Variants in CAMK4 observed in about 807,000 individuals in gnomAD.
CAMK4 encodes calcium/calmodulin dependent protein kinase IV, also known as calcium/calmodulin-dependent protein kinase type IV.
Under a neutral mutation model 44.9 loss-of-function variants are expected in CAMK4, and 22 were observed. That is an observed-to-expected ratio of 0.49 (90% CI 0.35 to 0.70). The LOEUF is 0.70. Among genes scored for constraint, CAMK4 ranks in the 30% least tolerant of loss-of-function variants. The pLI is 0.01. For missense variants in CAMK4, 498 were observed against 586.8 expected (o/e 0.85, Z 1.56); for synonymous variants, 218 against 215.4 (o/e 1.01, Z -0.11).
chr5:111,432,850 T>C (rs1013988446), intron 5 of CAMK4, among the ~76,000 whole-genome samples: 1 of 152,042 alleles, frequency 6.6e-6, no homozygotes, highest in African/African-American at 2.4e-5. Context: ...ATTATTTTTA[T>C]AAACATTTGT....
At chr5:111,473,851 GT>G (rs771722603) in intron 8 of CAMK4, among the ~76,000 whole-genome samples, 12 of 151,938 alleles carry the variant, frequency 7.9e-5, no homozygotes, top group Non-Finnish European at 1.5e-4. Flanking sequence ...TATCAATTTT[GT>G]TTCTTATTTC....
chr5:111,250,128 TC>T (rs1749425116), intron 1 of CAMK4, among the ~76,000 whole-genome samples: 1 of 152,350 alleles, frequency 6.6e-6, no homozygotes, highest in South Asian at 2.1e-4. Flanking sequence ...GAATTTTCTG[TC>T]AAATTTACTA....
chr5:111,298,639 G>A (rs1285596170), intron 1 of CAMK4, among the ~76,000 whole-genome samples: 1 of 152,198 alleles, frequency 6.6e-6, no homozygotes, highest in African/African-American at 2.4e-5. Context: ...CCCCTTGGCA[G>A]TGACTATCCC....
intron 5 of CAMK4, among the ~76,000 whole-genome samples, chr5:111,416,984 T>TG (rs1752837815): frequency 6.6e-6 from 1 of 152,202 alleles, no homozygotes. Flanking sequence ...CTAGTCATGA[T>TG]GTTTTAAAGT....
At chr5:111,398,760 T>G (rs1752114804) in intron 5 of CAMK4, among the ~76,000 whole-genome samples, 1 of 152,138 alleles carries the variant, frequency 6.6e-6, no homozygotes, top group Non-Finnish European at 1.5e-5. Context: ...TCTTATAAGG[T>G]TCCCTCCATC....
chr5:111,369,328 G>A (rs1465502480), intron 2 of CAMK4, among the ~76,000 whole-genome samples: 1 of 152,076 alleles, frequency 6.6e-6, no homozygotes, highest in East Asian at 1.9e-4. Context: ...GCCTCCCAAA[G>A]TGTTGGGATT....
chr5:111,269,882 C>T (rs1018139854), intron 1 of CAMK4: 3 of 152,246 alleles, frequency 2.0e-5, no homozygotes, highest in Non-Finnish European at 2.9e-5. Context: ...CAGTCTGTCC[C>T]GTGTTTTTTA....
At chr5:111,308,207 A>T in intron 1 of CAMK4, among the ~76,000 whole-genome samples, 1 of 146,072 alleles carries the variant, frequency 6.8e-6, no homozygotes, top group Non-Finnish European at 1.5e-5. Context: ...ATATGTAACT[A>T]ACCTGCACAA....
chr5:111,394,095 T>A (rs977398908), intron 4 of CAMK4, among the ~76,000 whole-genome samples: 2 of 152,106 alleles, frequency 1.3e-5, no homozygotes, highest in South Asian at 4.1e-4. Flanking sequence ...CATTCAAGTT[T>A]CATGGACCTT....
At chr5:111,387,681 ACGTC>A (rs1213314686) in intron 4 of CAMK4, among the ~76,000 whole-genome samples, 2 of 152,258 alleles carry the variant, frequency 1.3e-5, no homozygotes, top group East Asian at 3.9e-4. Flanking sequence ...AATTTTTCTG[ACGTC>A]CATTCACTTG....
At chr5:111,327,324 C>A (rs1372450272) in intron 1 of CAMK4, among the ~76,000 whole-genome samples, 2 of 150,926 alleles carry the variant, frequency 1.3e-5, no homozygotes, top group African/African-American at 2.4e-5. Flanking sequence ...CATGTCCCTG[C>A]AAAGGACATG....
intron 7 of CAMK4, among the ~76,000 whole-genome samples, chr5:111,464,165 C>T (rs907762386): frequency 5.9e-5 from 9 of 151,748 alleles, no homozygotes; most frequent in African/African-American, 1.7e-4. Context: ...CTGGAAATGA[C>T]GGACACATTT....
At chr5:111,235,223 C>T (rs1243057664) in intron 1 of CAMK4, among the ~76,000 whole-genome samples, 1 of 152,074 alleles carries the variant, frequency 6.6e-6, no homozygotes, top group Non-Finnish European at 1.5e-5. Flanking sequence ...TCTTTAGTTG[C>T]GAAAACTGCT....
At chr5:111,224,323 C>T (rs1406400972), upstream of CAMK4, 7 of 1,087,252 alleles carry the variant, frequency 6.4e-6, no homozygotes, top group Non-Finnish European at 8.3e-6. The surrounding 1 kb of genome is among the most constrained non-coding windows in gnomAD (Gnocchi z 5.7). Flanking sequence ...CTTCCCCGCC[C>T]ACCGTCCCTG....
At chr5:111,423,127 T>C (rs1286278013) in intron 5 of CAMK4, among the ~76,000 whole-genome samples, 1 of 152,230 alleles carries the variant, frequency 6.6e-6, no homozygotes, top group African/African-American at 2.4e-5. Context: ...ACTGGCCTTA[T>C]ATCCATGGTT....
chr5:111,227,822 T>C (rs1242024342), intron 1 of CAMK4, among the ~76,000 whole-genome samples: 1 of 151,854 alleles, frequency 6.6e-6, no homozygotes, highest in African/African-American at 2.4e-5. Flanking sequence ...GTTCATAGAG[T>C]TTTTCAAAAA....
intron 1 of CAMK4, among the ~76,000 whole-genome samples, chr5:111,255,554 C>G (rs1429431940): frequency 2.0e-5 from 3 of 152,124 alleles, no homozygotes; most frequent in Admixed American, 6.6e-5. Flanking sequence ...TTTAAAAAAG[C>G]CATGATCTAA....
intron 1 of CAMK4, among the ~76,000 whole-genome samples, chr5:111,328,638 C>G (rs1405539154): frequency 6.6e-6 from 1 of 151,994 alleles, no homozygotes; most frequent in Non-Finnish European, 1.5e-5. Context: ...TCTTCCTACC[C>G]ATGAGCATGG....
chr5:111,319,755 T>C (rs1387413971), intron 1 of CAMK4, among the ~76,000 whole-genome samples: 1 of 152,200 alleles, frequency 6.6e-6, no homozygotes, highest in Non-Finnish European at 1.5e-5. Flanking sequence ...TAACTGATTG[T>C]GGTTATCCAG....
Sources: gnomAD v4.1 joint callset for allele counts (sites outside exome capture counted in the v4.1 genomes callset) on GRCh38, gnomAD v4.1.1 for gene constraint, Gnocchi (gnomAD v3.1) non-coding constraint, MANE v1.5 for transcripts, NCBI Gene and HGNC (gene_info 2026-07-23, HGNC 2026-07-21) for gene names.